The following MT1H variants were observed in gnomAD, a reference collection of about 807,000 sequenced individuals.
MT1H encodes metallothionein-1H.
A neutral mutation model predicts 8.7 loss-of-function variants in MT1H; 8 were observed. The observed-to-expected ratio is 0.92, with a 90% CI of 0.54 to 1.66. The LOEUF (loss-of-function observed/expected upper bound fraction) is 1.66, where lower values mean the gene tolerates loss of function less well. Ranked by LOEUF, MT1H falls within the 40% of genes most tolerant of loss-of-function variation. The pLI is 0.00. For missense variants in MT1H, 84 were observed against 75.2 expected (o/e 1.12, Z -0.43); for synonymous variants, 32 against 28.9 (o/e 1.11, Z -0.34).
rs189142260 is a variant in MT1H, at chr16:56,670,031, C to T, written c.28+119C>T. On this transcript the variant is annotated intron_variant, in intron 1 of 2. Coordinates refer to ENST00000332374, the MANE Select transcript of MT1H (RefSeq NM_005951.2). ...TGAGCTGAAGAGGACTTCTTTACTT[C>T]CTCCGCTGCTTTCCTCTTGGCCAAG... 2.7e-5 allele frequency: 37 copies of T among 1,377,582 alleles called. No homozygotes were observed. The East Asian group carries it at 5.3e-4, about 20-fold the overall frequency. 85.3% of individuals were successfully genotyped at this position (1,377,582 alleles called of 1,614,324 possible).
rs1284562872 is a variant in MT1H at position 56,670,354 on chromosome 16, AGAG to A, written c.29-148_29-146del. On this transcript the variant is annotated intron_variant, in intron 1 of 2. Transcript: ENST00000332374. ...TGCTTGGTTTTCCCAGCATGAATGG[AGAG>A]GAGATGGGTCTTCTCTTCTTCTGCT... The A allele has an allele frequency of 6.8e-6, 8 of 1,168,272 alleles. No homozygotes were observed. In the African/African-American group the frequency reaches 1.2e-4, roughly 18 times the overall value. The allele number at this position is 1,168,272 out of a possible 1,614,324, so 72.4% of individuals were successfully genotyped here. A position where few individuals can be genotyped will look rare whatever the true frequency, so the allele number is the denominator to read the frequency against.
At chr16:56,670,476 C>A in intron 1 of MT1H, 30 bp from the exon 2 acceptor site, 4 of 1,614,210 alleles carry the variant, frequency 2.5e-6, no homozygotes, top group Non-Finnish European at 3.4e-6. Context: ...ATCTCACTCA[C>A]AACACACTGG....
intron 2 of MT1H, 103 bp downstream of exon 2, chr16:56,670,674 CA>C: frequency 6.3e-7 from 1 of 1,598,354 alleles, no homozygotes; most frequent in South Asian, 1.1e-5. Context: ...CCTAGGCCGT[CA>C]CTGCCTTTCC....
rs764522536 is a variant in MT1H at position 56,671,034 on chromosome 16, A to G, written c.*45A>G. 2.5e-6 allele frequency: 4 copies of G among 1,587,264 alleles called. No homozygotes were observed. The African/African-American group carries it at 5.5e-5, about 22-fold the overall frequency. ...TCAGATGAAAACAGAATGACACGTA[A>G]AATCCAGGATTTTTTTTTTCTACAA... On this transcript the variant is annotated 3_prime_UTR_variant, in exon 3 of 3. Coordinates refer to ENST00000332374, the MANE Select transcript of MT1H (RefSeq NM_005951.2).
intron 2 of MT1H, 99 bp from the exon 3 acceptor site, chr16:56,670,799 T>C: frequency 6.4e-7 from 1 of 1,564,792 alleles, no homozygotes; most frequent in Non-Finnish European, 8.8e-7. Flanking sequence ...GAACTAAGGA[T>C]CCTCTGGGGC....
In MT1H at chr16:56,670,570, G is replaced by C. The variant is rs1308305376; in HGVS notation, c.93G>C (p.Lys31Asn). 6.2e-7 allele frequency: 1 copy of C among 1,614,252 alleles called. No homozygotes were observed. Among genetic ancestry groups the C allele is most frequent in the Admixed American group, 1.7e-5 (1 of 60,028 alleles). Residue 31 changes from lysine to asparagine, a missense_variant and splice_region_variant, in exon 2 of 3, where the codon AAG (lysine) becomes AAC (asparagine). By Grantham distance (94) the Lys-to-Asn change is moderately conservative. Coordinates refer to ENST00000332374, the MANE Select transcript of MT1H (RefSeq NM_005951.2). ...AGTGCAAATGCACCTCCTGCAAGAAGAGTGAGTGCGGGGCCATCTCCAGGA... is the reference window on the plus strand; with the variant it reads ...AGTGCAAATGCACCTCCTGCAAGAACAGTGAGTGCGGGGCCATCTCCAGGA... ...CKKCKCTSCK[K>N]SCCSCCPLGC... is the part of the protein sequence containing the mutation.
rs569836497 is a variant in MT1H, at chr16:56,670,672, G to A, written c.94+101G>A. 82 of 1,600,194 alleles carry A rather than the reference G, an allele frequency of 5.1e-5. 1 individual carries two copies. The African/African-American group carries it at 7.8e-4, about 15-fold the overall frequency. ...CCTGCTTCCTTTGTCCCCCTAGGCCGTCACTGCCTTTCCAGTCTTCTGCTC... is the reference window on the plus strand; with the variant it reads ...CCTGCTTCCTTTGTCCCCCTAGGCCATCACTGCCTTTCCAGTCTTCTGCTC... On this transcript the variant is annotated intron_variant, in intron 2 of 2. Coordinates refer to ENST00000332374, the MANE Select transcript of MT1H (RefSeq NM_005951.2).
Position 56,670,833 on chromosome 16 carries a change from C to A in MT1H, c.95-65C>A. The A allele has an allele frequency of 2.5e-6, 4 of 1,602,752 alleles. No homozygotes were observed. The South Asian group carries it at 4.4e-5, about 18-fold the overall frequency. Reference sequence around the variant, plus strand: ...GCTGGAGTCTGAGCTTGAGCCAGGCCTGCTGTTGGGAGAGGGAGCTCCCTG... The same window carrying A: ...GCTGGAGTCTGAGCTTGAGCCAGGCATGCTGTTGGGAGAGGGAGCTCCCTG... On this transcript the variant is annotated intron_variant, in intron 2 of 2. Transcript: ENST00000332374.
chr16:56,670,497 TCCTTG>T lies in MT1H; in HGVS notation c.29-7_29-3del. The T allele has an allele frequency of 6.2e-7, 1 of 1,613,782 alleles. No homozygotes were observed. Among genetic ancestry groups the T allele is most frequent in the South Asian group, 1.1e-5 (1 of 91,090 alleles). ...CTCACAACACACTGGCTTTTTCTAT[TCCTTG>T]CAGGTGGCTCCTGCGCCTGCGCCGG... On this transcript the variant is annotated splice_polypyrimidine_tract_variant and splice_region_variant and intron_variant, in intron 1 of 2. Transcript: ENST00000332374.
chr16:56,670,516 C>A lies in MT1H; in HGVS notation c.39C>A (p.Cys13Ter), dbSNP rs146753842. ...TTCTATTCCTTGCAGGTGGCTCCTG[C>A]GCCTGCGCCGGCTCCTGCAAGTGCA... ...PNCSCEAGGS[C>*]ACAGSCKCKK... is the part of the protein sequence containing the mutation. The change falls in exon 2 of 3, where the codon TGC (cysteine) becomes TGA (stop). Residue 13 changes from cysteine (C) to a stop codon, truncating the protein, a stop_gained. Coordinates refer to ENST00000332374, the MANE Select transcript of MT1H (RefSeq NM_005951.2). LOFTEE classifies it high-confidence loss of function. 1.6e-4 allele frequency: 260 copies of A among 1,614,128 alleles called. No individual in the cohort carries two copies. The highest frequency in any genetic ancestry group is 2.0e-4 in the Non-Finnish European group (240 of 1,180,054).
intron 1 of MT1H, 31 bp from the exon 2 acceptor site, chr16:56,670,473 TCA>T: frequency 6.2e-7 from 1 of 1,614,186 alleles, no homozygotes; most frequent in Non-Finnish European, 8.5e-7. Flanking sequence ...TGCATCTCAC[TCA>T]CAACACACTG....
In MT1H at chr16:56,671,096, AAT is replaced by A. The variant is rs1960868302; in HGVS notation, c.*110_*111del. ...TTGCTACATTCCTTTTTTTCTGTGA[AAT>A]ATGTGAATAATAATTAAACACTTAG... On this transcript the variant is annotated 3_prime_UTR_variant, in exon 3 of 3. Transcript: ENST00000332374. 3.9e-5 allele frequency: 55 copies of A among 1,395,550 alleles called. 1 individual carries two copies. The South Asian group carries it at 7.2e-4, about 18-fold the overall frequency. 86.4% of individuals were successfully genotyped at this position (1,395,550 alleles called of 1,614,324 possible). A position where few individuals can be genotyped will look rare whatever the true frequency, so the allele number is the denominator to read the frequency against.
chr16:56,670,135 C>T (rs1444991291), intron 1 of MT1H, among the ~76,000 whole-genome samples: 1 of 152,226 alleles, frequency 6.6e-6, no homozygotes, highest in Non-Finnish European at 1.5e-5. Flanking sequence ...TCCTGCTCCA[C>T]ATCACCCCGT....
rs118114097 is a variant in MT1H at position 56,670,263 on chromosome 16, C to T, written c.29-243C>T. 1.2e-4 allele frequency among the ~76,000 whole-genome samples: 18 copies of T among 152,290 alleles called. No homozygotes were observed. The East Asian group carries it at 3.5e-3, about 29-fold the overall frequency. On this transcript the variant is annotated intron_variant, in intron 1 of 2. Coordinates refer to ENST00000332374, the MANE Select transcript of MT1H (RefSeq NM_005951.2). Reference sequence around the variant, plus strand: ...CTCTTCAGGGTTCAGCACAGAAAGTCGAAGTCGCAGTCTTCCCGGGCTGTG... The same window carrying T: ...CTCTTCAGGGTTCAGCACAGAAAGTTGAAGTCGCAGTCTTCCCGGGCTGTG...
At chr16:56,670,370 C>T (rs949629192) in intron 1 of MT1H, 136 bp from the exon 2 acceptor site, 3 of 1,331,732 alleles carry the variant, frequency 2.3e-6, no homozygotes, top group Non-Finnish European at 3.1e-6. Flanking sequence ...GATGGGTCTT[C>T]TCTTCTTCTG....
At chr16:56,670,721 G>A in intron 2 of MT1H, 150 bp downstream of exon 2, 1 of 1,526,628 alleles carries the variant, frequency 6.6e-7, no homozygotes, top group Admixed American at 1.9e-5. Flanking sequence ...TGTGGGGCTG[G>A]GCAGTCTCTC....
intron 1 of MT1H, 62 bp downstream of exon 1, chr16:56,669,974 C>G (rs571901708): frequency 6.2e-7 from 1 of 1,608,942 alleles, no homozygotes; most frequent in East Asian, 2.2e-5. Context: ...TAGAGAGTGT[C>G]CCTGGGTTTG....
Position 56,669,815 on chromosome 16 carries a change from C to G in MT1H, c.-70C>G, listed in dbSNP as rs946191373. 1.2e-6 allele frequency: 2 copies of G among 1,612,838 alleles called. No individual in the cohort carries two copies. Among genetic ancestry groups the G allele is most frequent in the African/African-American group, 2.7e-5 (2 of 74,914 alleles). On this transcript the variant is annotated 5_prime_UTR_variant, in exon 1 of 3. Coordinates refer to ENST00000332374, the MANE Select transcript of MT1H (RefSeq NM_005951.2). ...AGGAGCTGCCAACTGTTGCGCTCCA[C>G]CACGCCCTCCACGTGTTCCACTGCC...
Position 56,669,828 on chromosome 16 carries a change from G to C in MT1H, c.-57G>C. 1.2e-6 allele frequency: 2 copies of C among 1,613,744 alleles called. No homozygotes were observed. The highest frequency in any genetic ancestry group is 1.7e-6 in the Non-Finnish European group (2 of 1,179,850). On this transcript the variant is annotated 5_prime_UTR_variant, in exon 1 of 3. Coordinates refer to ENST00000332374, the MANE Select transcript of MT1H (RefSeq NM_005951.2). ...TGTTGCGCTCCACCACGCCCTCCAC[G>C]TGTTCCACTGCCTCTTCTCTTCTCG...
Sources: allele counts gnomAD v4.1 joint callset (sites outside exome capture counted in the v4.1 genomes callset), GRCh38; gene constraint gnomAD v4.1.1; transcripts MANE v1.5; gene names NCBI Gene and HGNC (gene_info 2026-07-23, HGNC 2026-07-21).